MINDY2: variants seen among roughly 807,000 people sequenced by gnomAD.
MINDY2 encodes MINDY lysine 48 deubiquitinase 2.
MINDY2 carries 52 observed loss-of-function variants against 68.2 expected under a neutral mutation model. The observed-to-expected ratio is 0.76, with a 90% CI of 0.61 to 0.96. The LOEUF (loss-of-function observed/expected upper bound fraction) is 0.96, where lower values mean the gene tolerates loss of function less well. Ranked by LOEUF, MINDY2 falls within the 40% of genes least tolerant of loss-of-function variation. The pLI, the probability that MINDY2 is intolerant of heterozygous loss-of-function variation, is 0.00. For missense variants in MINDY2, 881 were observed against 773.4 expected (o/e 1.14, Z -1.65); for synonymous variants, 372 against 303.0 (o/e 1.23, Z -2.36).
Position 58,847,452 on chromosome 15 carries a change from A to G in MINDY2, c.1524A>G (p.Gln508=), listed in dbSNP as rs2032592578. The change falls in exon 7 of 9, where the codon CAA becomes CAG. Residue 508 remains glutamine, a synonymous_variant. Transcript: ENST00000559228. ...ATCCTGAAACTGTATACAAAGGACA[A>G]CAAGATCAGATAGATCAGGTAAATT... ...PSDPETVYKG[Q]QDQIDQDYLM... 2 of 1,573,670 alleles carry G rather than the reference A, an allele frequency of 1.3e-6. No individual in the cohort carries two copies. Among genetic ancestry groups the G allele is most frequent in the Non-Finnish European group, 1.7e-6 (2 of 1,150,566 alleles).
At position 58,851,932 on chromosome 15, in the gene MINDY2, A is replaced by AGCTGCTGCT. The variant is rs746926052; in HGVS notation, c.1714_1722dup (p.Ala572_Ala574dup). On this transcript the variant is annotated inframe_insertion, in exon 8 of 9. Coordinates refer to ENST00000559228, the MANE Select transcript of MINDY2 (RefSeq NM_001040450.3). The stretch of plus-strand genomic sequence containing the variant: ...ACTATCAGGAACAGGAACAAGCAGC[A>AGCTGCTGCT]GCTGCTGCTGCTGCTGCTTCTACAC... 2 of 1,586,814 alleles carry AGCTGCTGCT rather than the reference A, an allele frequency of 1.3e-6. No individual in the cohort carries two copies. The highest frequency in any genetic ancestry group is 1.4e-5 in the African/African-American group (1 of 72,694).
At chr15:58,823,497 G>A (rs2031201419) in intron 5 of MINDY2, among the ~76,000 whole-genome samples, 1 of 151,768 alleles carries the variant, frequency 6.6e-6, no homozygotes, top group African/African-American at 2.4e-5. Flanking sequence ...AATGTAGCAA[G>A]ATCCCATCTC....
chr15:58,783,451 C>T (rs1289032902), intron 1 of MINDY2, among the ~76,000 whole-genome samples: 3 of 152,138 alleles, frequency 2.0e-5, no homozygotes, highest in Non-Finnish European at 4.4e-5. Flanking sequence ...ATTGCTGAGT[C>T]CCCTGCATTT....
chr15:58,853,370 A>G (rs910677368), intron 8 of MINDY2, among the ~76,000 whole-genome samples: 3 of 152,162 alleles, frequency 2.0e-5, no homozygotes, highest in Non-Finnish European at 4.4e-5. Flanking sequence ...AAATAAGTAT[A>G]AAATTTCTAT....
chr15:58,776,592 T>G (rs781241864), intron 1 of MINDY2, among the ~76,000 whole-genome samples: 3 of 152,092 alleles, frequency 2.0e-5, no homozygotes, highest in Admixed American at 6.5e-5. Context: ...AAATGACAGG[T>G]GTAGGGACAA....
intron 8 of MINDY2, among the ~76,000 whole-genome samples, chr15:58,854,237 C>CT (rs2032971061): frequency 6.8e-6 from 1 of 147,264 alleles, no homozygotes. Context: ...GTGCAAGACT[C>CT]TGTCTCAAAA....
intron 1 of MINDY2, among the ~76,000 whole-genome samples, chr15:58,774,201 G>A (rs1900627686): frequency 6.6e-6 from 1 of 152,192 alleles, no homozygotes; most frequent in Admixed American, 6.5e-5. Flanking sequence ...GCAAAGATGA[G>A]GCCGGGCGCG....
At chr15:58,851,249 T>C (rs978985247) in intron 7 of MINDY2, among the ~76,000 whole-genome samples, 17 of 152,232 alleles carry the variant, frequency 1.1e-4, no homozygotes, top group African/African-American at 3.9e-4. Flanking sequence ...GCTGGGATTA[T>C]AGGCGTGAGC....
At chr15:58,836,956 TCTTCACTGAC>T (rs1465544536) in intron 6 of MINDY2, among the ~76,000 whole-genome samples, 14 of 152,170 alleles carry the variant, frequency 9.2e-5, no homozygotes, top group Admixed American at 7.2e-4. Flanking sequence ...AAGCACGTCT[TCTTCACTGAC>T]CCAGTGACAG....
At chr15:58,800,684 A>G (rs1212962019) in intron 2 of MINDY2, among the ~76,000 whole-genome samples, 2 of 147,044 alleles carry the variant, frequency 1.4e-5, no homozygotes, top group Admixed American at 1.4e-4. Context: ...TTTTGAAACG[A>G]TTAGCCAGGT....
intron 5 of MINDY2, among the ~76,000 whole-genome samples, chr15:58,826,592 A>G (rs1419091021): frequency 6.6e-6 from 1 of 152,172 alleles, no homozygotes; most frequent in African/African-American, 2.4e-5. Context: ...TTACCTGTAA[A>G]TGCTTCATCA....
intron 4 of MINDY2, among the ~76,000 whole-genome samples, chr15:58,816,734 G>GA (rs1337873990): frequency 1.3e-5 from 2 of 152,114 alleles, no homozygotes; most frequent in African/African-American, 4.8e-5. Flanking sequence ...GACATAGAGG[G>GA]AAAAAATGAA....
At position 58,771,601 on chromosome 15, in the gene MINDY2, C is replaced by G; in HGVS notation, c.206C>G (p.Pro69Arg). The change falls in exon 1 of 9, where the codon CCC (proline) becomes CGC (arginine). Residue 69 changes from proline (P) to arginine (R), a missense_variant. By Grantham distance (103) the Pro-to-Arg change is moderately radical. Transcript: ENST00000559228. ...AGGAGCCTCCCGGACTCGGCTTCTC[C>G]CGCGGGCTCTCCTGAGGTTCCCGGA... Reference protein sequence around the residue: ...ARRSLPDSASPAGSPEVPGPC... With the variant: ...ARRSLPDSASRAGSPEVPGPC... 1 of 1,611,922 alleles carries G rather than the reference C, an allele frequency of 6.2e-7. No homozygotes were observed. The highest frequency in any genetic ancestry group is 8.5e-7 in the Non-Finnish European group (1 of 1,179,734).
At chr15:58,834,498 C>T (rs1382259548) in intron 6 of MINDY2, among the ~76,000 whole-genome samples, 1 of 152,176 alleles carries the variant, frequency 6.6e-6, no homozygotes, top group East Asian at 1.9e-4. Flanking sequence ...TCCTCAGAAC[C>T]TACCACCAAC....
rs2140889992 is a variant in MINDY2, at chr15:58,859,727, G to T, written c.*5117G>T. 1 of 152,266 alleles carries T rather than the reference G, an allele frequency of 6.6e-6. No individual in the cohort carries two copies. Among genetic ancestry groups the T allele is most frequent in the East Asian group, 1.9e-4 (1 of 5,184 alleles). 9.4% of individuals were successfully genotyped at this position (152,266 alleles called of 1,614,324 possible). ...ACTTTGAATATCTATCTAAATTTTA[G>T]TTCATGCATGTTCTTACTTAATCCT... On this transcript the variant is annotated 3_prime_UTR_variant, in exon 9 of 9. Transcript: ENST00000559228.
Position 58,858,001 on chromosome 15 carries a change from G to C in MINDY2, c.*3391G>C, listed in dbSNP as rs1308781021. The C allele has an allele frequency of 2.0e-5, 3 of 152,144 alleles. No homozygotes were observed. Among genetic ancestry groups the C allele is most frequent in the African/African-American group, 7.2e-5 (3 of 41,442 alleles). The allele number at this position is 152,144 out of a possible 1,614,324, so 9.4% of individuals were successfully genotyped here. ...CAACACTTAAAAGTACTTTACATAT[G>C]TGTGTTTCTGAAGCAAGTTTTCATG... On this transcript the variant is annotated 3_prime_UTR_variant, in exon 9 of 9. Transcript: ENST00000559228.
chr15:58,817,014 A>G (rs1324357913), intron 4 of MINDY2, among the ~76,000 whole-genome samples: 2 of 152,204 alleles, frequency 1.3e-5, no homozygotes, highest in African/African-American at 2.4e-5. Flanking sequence ...ATAAAACTAC[A>G]AAAGTTTGAA....
intron 4 of MINDY2, among the ~76,000 whole-genome samples, chr15:58,819,896 G>A (rs541359221): frequency 3.9e-5 from 6 of 152,022 alleles, no homozygotes; most frequent in Non-Finnish European, 7.4e-5. Flanking sequence ...GGATCCTCTC[G>A]CAAAGAAAAG....
chr15:58,843,929 A>G (rs1171053663), intron 6 of MINDY2, among the ~76,000 whole-genome samples: 1 of 152,062 alleles, frequency 6.6e-6, no homozygotes, highest in Admixed American at 6.6e-5. Flanking sequence ...ATATTTTATA[A>G]ATTTACAAAT....
Sources: gnomAD v4.1 joint callset for allele counts (sites outside exome capture counted in the v4.1 genomes callset) on GRCh38, gnomAD v4.1.1 for gene constraint, MANE v1.5 for transcripts, NCBI Gene and HGNC (gene_info 2026-07-23, HGNC 2026-07-21) for gene names.